PCDHA5: variants seen among roughly 807,000 people sequenced by gnomAD.
PCDHA5 encodes the protein protocadherin alpha 5.
Under a neutral mutation model 61.6 loss-of-function variants are expected in PCDHA5, and 43 were observed. The ratio of observed to expected loss-of-function variants is 0.70; its 90% CI spans 0.55 to 0.90. The LOEUF (loss-of-function observed/expected upper bound fraction) is 0.90, where lower values mean the gene tolerates loss of function less well. Ranked by LOEUF, PCDHA5 falls within the 40% of genes least tolerant of loss-of-function variation. The pLI is 0.00. For synonymous variants in PCDHA5, 627 were observed against 543.9 expected (o/e 1.15, Z -2.13); for missense variants, 1,298 against 1,222.7 (o/e 1.06, Z -0.92).
chr5:140,850,416 G>T, intron 1 of PCDHA5: 1 of 1,598,000 alleles, frequency 6.3e-7, no homozygotes, highest in Non-Finnish European at 8.6e-7. Flanking sequence ...GGACGAAACG[G>T]ACGCACCGCG....
At chr5:140,853,891 G>T in intron 1 of PCDHA5, 1 of 976,002 alleles carries the variant, frequency 1.0e-6, no homozygotes. Flanking sequence ...AATTTAAAAA[G>T]ATGTGGTGGC....
chr5:140,900,438 C>T (rs573115268), intron 1 of PCDHA5, among the ~76,000 whole-genome samples: 21 of 152,234 alleles, frequency 1.4e-4, no homozygotes, highest in South Asian at 8.3e-4. Flanking sequence ...CCACCACGGC[C>T]GGCTAATTTT....
At chr5:140,892,616 G>A (rs781995267) in intron 1 of PCDHA5, among the ~76,000 whole-genome samples, 1 of 151,910 alleles carries the variant, frequency 6.6e-6, no homozygotes, top group Admixed American at 6.6e-5. Flanking sequence ...TTTATTTCCA[G>A]TTGGTACATA....
chr5:140,821,803 G>A lies in PCDHA5; in HGVS notation c.28G>A (p.Gly10Arg), dbSNP rs2150110763. 1 of 1,613,140 alleles carries A rather than the reference G, an allele frequency of 6.2e-7. No homozygotes were observed. The highest frequency in any genetic ancestry group is 1.3e-5 in the African/African-American group (1 of 74,906). The part of the protein sequence containing the change: MVYSRRGSL[G>R]SRLLLLWLLL... Reference sequence around the variant, plus strand: ...GGTATATTCCCGGAGAGGAAGTCTGGGATCCCGGCTCCTGCTGCTCTGGCT... The same window carrying A: ...GGTATATTCCCGGAGAGGAAGTCTGAGATCCCGGCTCCTGCTGCTCTGGCT... The change falls in exon 1 of 4, where the codon GGA becomes AGA. Residue 10 changes from glycine (G) to arginine (R), a missense_variant. Transcript: ENST00000529859.
chr5:140,945,321 A>G (rs558331825), intron 1 of PCDHA5, among the ~76,000 whole-genome samples: 1 of 152,258 alleles, frequency 6.6e-6, no homozygotes, highest in Non-Finnish European at 1.5e-5. Flanking sequence ...AAATGGAAAT[A>G]TATTTTATGT....
At chr5:140,857,932 C>A (rs1393571264) in intron 1 of PCDHA5, 1 of 1,597,630 alleles carries the variant, frequency 6.3e-7, no homozygotes, top group African/African-American at 1.3e-5. Flanking sequence ...TGTACACGGG[C>A]GAGATCAGTA....
chr5:140,873,959 C>A (rs782271124), intron 1 of PCDHA5, among the ~76,000 whole-genome samples: 1 of 152,136 alleles, frequency 6.6e-6, no homozygotes, highest in Non-Finnish European at 1.5e-5. Context: ...CTGAGCCCAG[C>A]CTATTTTTTA....
At chr5:140,871,648 T>C (rs948584860) in intron 1 of PCDHA5, 2 of 1,275,648 alleles carry the variant, frequency 1.6e-6, no homozygotes, top group Non-Finnish European at 2.1e-6. Context: ...AAATACCAAA[T>C]GATACACATC....
At chr5:140,898,100 G>C (rs1273803096) in intron 1 of PCDHA5, among the ~76,000 whole-genome samples, 2 of 152,132 alleles carry the variant, frequency 1.3e-5, no homozygotes, top group African/African-American at 4.8e-5. Flanking sequence ...CCCTTTGTCA[G>C]ATGAGTAGGT....
At chr5:140,857,560 G>T in intron 1 of PCDHA5, 1 of 1,596,914 alleles carries the variant, frequency 6.3e-7, no homozygotes, top group Non-Finnish European at 8.6e-7. Flanking sequence ...GCTCGCTGTC[G>T]AGCTACGTGT....
chr5:140,843,529 G>A (rs2150362130), intron 1 of PCDHA5: 1 of 1,596,020 alleles, frequency 6.3e-7, no homozygotes, highest in Middle Eastern at 1.7e-4. Flanking sequence ...GGGCGGGCAA[G>A]CCCACTCTGG....
chr5:140,947,020 G>A (rs782772876), intron 1 of PCDHA5, among the ~76,000 whole-genome samples: 3 of 151,616 alleles, frequency 2.0e-5, no homozygotes, highest in Non-Finnish European at 4.4e-5. Flanking sequence ...AATGTTTGAG[G>A]TAATGGATAT....
Position 141,009,737 on chromosome 5 carries a change from C to T in PCDHA5, c.2611C>T (p.Pro871Ser). The T allele has an allele frequency of 6.2e-7, 1 of 1,614,130 alleles. No homozygotes were observed. The highest frequency in any genetic ancestry group is 8.5e-7 in the Non-Finnish European group (1 of 1,180,024). Residue 871 changes from proline (P) to serine (S), a missense_variant, in exon 4 of 4, where the codon CCC becomes TCC. Physicochemically the swap from Pro to Ser is moderately conservative, Grantham distance 74 (BLOSUM62 -1). Coordinates refer to ENST00000529859, the MANE Select transcript of PCDHA5 (RefSeq NM_018908.3). ...NPKQSGPGEL[P>S]DKFIIPGSPA... Reference sequence around the variant, plus strand: ...CAAACAATCCGGTCCCGGTGAGTTGCCCGACAAATTCATTATCCCAGGATC... The same window carrying T: ...CAAACAATCCGGTCCCGGTGAGTTGTCCGACAAATTCATTATCCCAGGATC...
intron 1 of PCDHA5, among the ~76,000 whole-genome samples, chr5:140,895,467 T>A (rs1201680855): frequency 6.6e-6 from 1 of 152,204 alleles, no homozygotes. Flanking sequence ...CATTTCTTTA[T>A]CCTCTTCGGA....
intron 3 of PCDHA5, among the ~76,000 whole-genome samples, chr5:140,987,370 A>G (rs183202119): frequency 5.2e-4 from 79 of 152,328 alleles, no homozygotes; most frequent in East Asian, 3.9e-4. Context: ...TTATATCATT[A>G]CAGGGTCAGA....
intron 1 of PCDHA5, chr5:140,870,883 C>T: frequency 1.9e-6 from 3 of 1,613,920 alleles, no homozygotes; most frequent in Middle Eastern, 1.6e-4. Flanking sequence ...GGCGAAGGTG[C>T]GCGCAGTGGA....
intron 1 of PCDHA5, among the ~76,000 whole-genome samples, chr5:140,901,055 A>G (rs1454535703): frequency 6.6e-6 from 1 of 152,088 alleles, no homozygotes; most frequent in African/African-American, 2.4e-5. Context: ...AAATTAGATT[A>G]TTAGATTTTT....
intron 1 of PCDHA5, among the ~76,000 whole-genome samples, chr5:140,873,569 G>A (rs1419596036): frequency 6.7e-6 from 1 of 148,974 alleles, no homozygotes; most frequent in African/African-American, 2.4e-5. Context: ...TTCTAGTTTG[G>A]TTGTTTAAGT....
chr5:140,926,229 G>A (rs1251523401), intron 1 of PCDHA5: 1 of 152,186 alleles, frequency 6.6e-6, no homozygotes, highest in Non-Finnish European at 1.5e-5. Context: ...AGCCTAGAAG[G>A]TGTGGTCGCT....
Sources: gnomAD v4.1 joint callset for allele counts (sites outside exome capture counted in the v4.1 genomes callset) on GRCh38, gnomAD v4.1.1 for gene constraint, MANE v1.5 for transcripts, NCBI Gene and HGNC (gene_info 2026-07-23, HGNC 2026-07-21) for gene names.